CFAP69: variants seen among roughly 807,000 people sequenced by gnomAD.
The protein encoded by CFAP69 is cilia and flagella associated protein 69.
In CFAP69, 92 loss-of-function variants were observed where a neutral mutation model predicts 123.0. That is an observed-to-expected ratio of 0.75 (90% CI 0.63 to 0.89). CFAP69 has a LOEUF of 0.89. Ranked by LOEUF, CFAP69 falls within the 40% of genes least tolerant of loss-of-function variation. CFAP69 has a pLI of 0.00. For synonymous variants in CFAP69, 380 were observed against 364.3 expected, an observed-to-expected ratio of 1.04 and a Z score of -0.49; for missense variants, 1,067 against 1,096.9, an observed-to-expected ratio of 0.97 and a Z score of 0.39.
intron 17 of CFAP69, chr7:90,300,279 A>G: frequency 1.1e-6 from 1 of 925,854 alleles, no homozygotes; most frequent in Non-Finnish European, 1.3e-6. Context: ...AAGAAATGGT[A>G]TTTAATTATA....
At chr7:90,255,553 A>G in intron 2 of CFAP69, 71 bp downstream of exon 2, 1 of 1,132,356 alleles carries the variant, frequency 8.8e-7, no homozygotes, top group East Asian at 2.4e-5. Context: ...GGTAACATAT[A>G]TTCCTTCAAA....
chr7:90,270,623 C>T (rs1799811342), intron 6 of CFAP69, among the ~76,000 whole-genome samples: 4 of 152,024 alleles, frequency 2.6e-5, no homozygotes, highest in Admixed American at 1.3e-4. Flanking sequence ...AGCCAGAGAT[C>T]ATATTTACAA....
intron 8 of CFAP69, 162 bp downstream of exon 8, chr7:90,272,120 C>A: frequency 1.7e-6 from 1 of 595,840 alleles, no homozygotes; most frequent in Non-Finnish European, 2.7e-6. Context: ...AATGAATCTG[C>A]ACAATAACAA....
chr7:90,263,158 G>T (rs895147677), intron 4 of CFAP69, among the ~76,000 whole-genome samples: 14 of 152,116 alleles, frequency 9.2e-5, no homozygotes, highest in African/African-American at 2.9e-4. Flanking sequence ...AAAGTTCATT[G>T]TCTATGAAAA....
At chr7:90,320,635 G>T in the CFAP69 span, 2 of 152,208 alleles carry the variant, frequency 1.3e-5, no homozygotes, top group African/African-American at 4.8e-5. Flanking sequence ...GACAGCCAAC[G>T]GGGAGGGATA....
chr7:90,268,415 C>T, intron 6 of CFAP69, 31 bp downstream of exon 6: 1 of 1,440,372 alleles, frequency 6.9e-7, no homozygotes, highest in Non-Finnish European at 9.7e-7. Flanking sequence ...TCAGTGATAA[C>T]TTGTGTATGT....
intron 17 of CFAP69, 179 bp downstream of exon 17, chr7:90,300,238 T>C (rs1792591119): frequency 5.5e-6 from 6 of 1,090,740 alleles, no homozygotes; most frequent in Non-Finnish European, 1.1e-6. Flanking sequence ...AGTAAATTAG[T>C]AGTAGGTTCA....
intron 20 of CFAP69, 127 bp downstream of exon 20, chr7:90,307,225 A>G (rs925615850): frequency 4.3e-6 from 3 of 699,460 alleles, no homozygotes; most frequent in African/African-American, 3.6e-5. Flanking sequence ...ACAATAATTT[A>G]TTGTACATTT....
chr7:90,306,481 A>G (rs1217117991), intron 19 of CFAP69, among the ~76,000 whole-genome samples: 3 of 152,200 alleles, frequency 2.0e-5, no homozygotes, highest in South Asian at 2.1e-4. Context: ...CTAGGGTCCT[A>G]GTAATCCCCA....
Position 90,291,570 on chromosome 7 carries a change from T to C in CFAP69, c.1775+3218T>C, listed in dbSNP as rs137988171. 8.2e-4 allele frequency among the ~76,000 whole-genome samples: 125 copies of C among 152,310 alleles called. 2 individuals are homozygous for C. Among genetic ancestry groups the C allele is most frequent in the African/African-American group, 2.9e-3 (121 of 41,578 alleles). ...ACCCAGGCCCTATTCAAGATGGAGT[T>C]GCTCTGGTTCAAATGCATCTGACAT... On this transcript the variant is annotated intron_variant, in intron 15 of 22. Coordinates refer to ENST00000389297, the MANE Select transcript of CFAP69 (RefSeq NM_001039706.3).
rs529623450 is a variant in CFAP69 at position 90,259,093 on chromosome 7, A to G, written c.246+930A>G. 4.6e-5 allele frequency among the ~76,000 whole-genome samples: 7 copies of G among 152,328 alleles called. No homozygotes were observed. The South Asian group carries it at 1.0e-3, about 23-fold the overall frequency. ...AAATATACGACCCTGACCAGAATAC[A>G]TGAAAACCAGTGTGTCTTAAAACTA... On this transcript the variant is annotated intron_variant, in intron 3 of 22. Transcript: ENST00000389297.
chr7:90,305,444 G>A (rs573928976), intron 19 of CFAP69, among the ~76,000 whole-genome samples: 223 of 151,332 alleles, frequency 1.5e-3, no homozygotes, highest in Non-Finnish European at 2.7e-3. Flanking sequence ...CCAGGCTGGA[G>A]TACAATGGCA....
At chr7:90,247,753 G>A (rs1164944195) in intron 1 of CFAP69, among the ~76,000 whole-genome samples, 1 of 152,154 alleles carries the variant, frequency 6.6e-6, no homozygotes, top group Non-Finnish European at 1.5e-5. Flanking sequence ...GCTGAGGCAG[G>A]AGAATCACTT....
At chr7:90,292,988 G>A (rs531270563) in intron 15 of CFAP69, among the ~76,000 whole-genome samples, 17 of 152,152 alleles carry the variant, frequency 1.1e-4, no homozygotes, top group Admixed American at 4.6e-4. Flanking sequence ...ACAAAACATC[G>A]CACAGTCAAA....
chr7:90,288,964 T>C (rs10234301), intron 15 of CFAP69, among the ~76,000 whole-genome samples: 79,444 of 151,624 alleles, frequency 0.52, 21,433 homozygotes, highest in Middle Eastern at 0.6. Context: ...AAAATACAAA[T>C]ACATTGTATA....
At chr7:90,309,487 A>C in intron 22 of CFAP69, 120 bp downstream of exon 22, 1 of 470,864 alleles carries the variant, frequency 2.1e-6, no homozygotes, top group Admixed American at 3.8e-5. Flanking sequence ...ATTGTGTGGT[A>C]TTGAATTATA....
At chr7:90,247,757 A>AT (rs1182825180) in intron 1 of CFAP69, among the ~76,000 whole-genome samples, 2 of 152,196 alleles carry the variant, frequency 1.3e-5, no homozygotes, top group Non-Finnish European at 2.9e-5. Context: ...AGGCAGGAGA[A>AT]TCACTTGAAC....
intron 12 of CFAP69, among the ~76,000 whole-genome samples, chr7:90,280,377 A>G (rs1226555863): frequency 6.6e-6 from 1 of 152,060 alleles, no homozygotes; most frequent in Non-Finnish European, 1.5e-5. Context: ...TTTGTATTTT[A>G]TATAGACAGG....
chr7:90,314,518 A>G (rs1794597149), downstream of CFAP69, among the ~76,000 whole-genome samples: 1 of 151,724 alleles, frequency 6.6e-6, no homozygotes, highest in Non-Finnish European at 1.5e-5. Flanking sequence ...AGTTCCAGCT[A>G]TTTGGGAGGC....
Sources: gnomAD v4.1 joint callset for allele counts (sites outside exome capture counted in the v4.1 genomes callset) on GRCh38, gnomAD v4.1.1 for gene constraint, MANE v1.5 for transcripts, NCBI Gene and HGNC (gene_info 2026-07-23, HGNC 2026-07-21) for gene names.